DOP1B: variants seen among roughly 807,000 people sequenced by gnomAD.
DOP1B encodes the protein DOP1 leucine zipper like protein B.
In DOP1B, 174 loss-of-function variants were observed where a neutral mutation model predicts 233.5. The ratio of observed to expected loss-of-function variants is 0.75; its 90% CI spans 0.66 to 0.85. The LOEUF is 0.85. DOP1B is among the 40% of genes least tolerant of loss of function. The pLI is 0.00. For missense variants in DOP1B, 2,652 were observed against 2,846.6 expected (o/e 0.93, Z 1.56); for synonymous variants, 1,190 against 1,185.6 (o/e 1.00, Z -0.08).
At chr21:36,204,307 C>G (rs1026966586) in intron 4 of DOP1B, among the ~76,000 whole-genome samples, 2 of 152,126 alleles carry the variant, frequency 1.3e-5, no homozygotes, top group African/African-American at 2.4e-5. Context: ...ATTGACATTT[C>G]TTTTCTTTTG....
chr21:36,237,176 G>GGGGCT, intron 15 of DOP1B, 86 bp from the exon 16 acceptor site: 1 of 1,554,516 alleles, frequency 6.4e-7, no homozygotes, highest in Non-Finnish European at 8.8e-7. Context: ...CCAGTATGTC[G>GGGGCT]GGGCTGGGAC....
At chr21:36,227,526 T>G (rs7280662) in intron 12 of DOP1B, among the ~76,000 whole-genome samples, 160 bp from the exon 13 acceptor site, 69,841 of 150,932 alleles carry the variant, frequency 0.46, 17,733 homozygotes, top group South Asian at 0.65. Context: ...CAGCCTGGGC[T>G]ACAGAGCAAG....
intron 23 of DOP1B, among the ~76,000 whole-genome samples, chr21:36,259,868 T>C (rs534112864): frequency 7.7e-4 from 117 of 152,302 alleles, no homozygotes; most frequent in Middle Eastern, 3.4e-3. Context: ...GTGGTTAGTT[T>C]AGTTAATTAA....
chr21:36,292,252 TTTTC>T lies in DOP1B; in HGVS notation c.6645+23_6645+26del, dbSNP rs1220497249. ...GTTTGGGGTAAGTGCTTTTCTTTTC[TTTTC>T]TTTTTTTTTTTTTTTGGTGAGACAG... On this transcript the variant is annotated intron_variant, in intron 36 of 36. Transcript: ENST00000691173. The T allele has an allele frequency of 1.6e-5, 24 of 1,527,770 alleles. No individual in the cohort carries two copies. The highest frequency in any genetic ancestry group is 3.1e-5 in the African/African-American group (2 of 63,574). The allele number at this position is 1,527,770 out of a possible 1,614,324, so 94.6% of individuals were successfully genotyped here. A position where few individuals can be genotyped will look rare whatever the true frequency, so the allele number is the denominator to read the frequency against.
intron 2 of DOP1B, among the ~76,000 whole-genome samples, chr21:36,174,142 A>G (rs866212850): frequency 1.3e-5 from 2 of 152,146 alleles, no homozygotes; most frequent in Non-Finnish European, 2.9e-5. Context: ...TTGGAGACCT[A>G]GTGAACTACT....
intron 21 of DOP1B, among the ~76,000 whole-genome samples, chr21:36,250,533 T>TC (rs2067020482): frequency 6.6e-6 from 1 of 152,112 alleles, no homozygotes; most frequent in African/African-American, 2.4e-5. Context: ...AGGATTTAAC[T>TC]ACGGTGGGCA....
At chr21:36,202,136 G>A (rs1426659394) in intron 4 of DOP1B, among the ~76,000 whole-genome samples, 4 of 152,128 alleles carry the variant, frequency 2.6e-5, no homozygotes, top group Admixed American at 6.6e-5. Context: ...GCAGCGAGCC[G>A]AGATTGCACC....
At chr21:36,274,821 G>T (rs2067331616) in intron 27 of DOP1B, among the ~76,000 whole-genome samples, 1 of 150,256 alleles carries the variant, frequency 6.7e-6, no homozygotes, top group African/African-American at 2.4e-5. Flanking sequence ...CAGAATTAAG[G>T]ACCAGAGAAT....
At chr21:36,235,752 G>A (rs903920961) in intron 15 of DOP1B, among the ~76,000 whole-genome samples, 6 of 148,770 alleles carry the variant, frequency 4.0e-5, no homozygotes, top group Non-Finnish European at 8.9e-5. Context: ...GAGGGAGTAG[G>A]TATGGATTTG....
At chr21:36,269,963 ATTC>A in intron 26 of DOP1B, 47 bp from the exon 27 acceptor site, 1 of 1,600,408 alleles carries the variant, frequency 6.2e-7, no homozygotes, top group Non-Finnish European at 8.6e-7. Flanking sequence ...GGCACTTAAC[ATTC>A]TTTTCCTTAA....
intron 8 of DOP1B, 122 bp from the exon 9 acceptor site, chr21:36,214,320 G>A: frequency 8.0e-7 from 1 of 1,256,406 alleles, no homozygotes; most frequent in Non-Finnish European, 1.1e-6. Context: ...CAGGGTATTT[G>A]TTGCATGCTG....
At chr21:36,285,391 G>A (rs939617738) in intron 32 of DOP1B, among the ~76,000 whole-genome samples, 4 of 151,676 alleles carry the variant, frequency 2.6e-5, no homozygotes, top group Non-Finnish European at 2.9e-5. Flanking sequence ...AATACGCTTC[G>A]TTTTGGATAG....
Position 36,263,760 on chromosome 21 carries a change from C to T in DOP1B, c.5433C>T (p.Asp1811=). The T allele has an allele frequency of 6.2e-7, 1 of 1,614,200 alleles. No homozygotes were observed. Among genetic ancestry groups the T allele is most frequent in the Non-Finnish European group, 8.5e-7 (1 of 1,180,040 alleles). Residue 1811 remains aspartate, a synonymous_variant, in exon 26 of 37, where the codon GAC becomes GAT. Transcript: ENST00000691173. ...GYFLLLSMLN[D]FVTRTPNLEN... Reference sequence around the variant, plus strand: ...TGTCTCCCAACAGCATGCTGAATGACTTTGTAACAAGAACTCCCAACCTGG... The same window carrying T: ...TGTCTCCCAACAGCATGCTGAATGATTTTGTAACAAGAACTCCCAACCTGG...
At position 36,204,893 on chromosome 21, in the gene DOP1B, G is replaced by A. The variant is rs530109934; in HGVS notation, c.492-3822G>A. Among the ~76,000 whole-genome samples, 16 of 152,216 alleles carry A rather than the reference G, an allele frequency of 1.1e-4. No individual in the cohort carries two copies. In the East Asian group the frequency reaches 3.1e-3, roughly 29 times the overall value. On this transcript the variant is annotated intron_variant, in intron 4 of 36. Coordinates refer to ENST00000691173, the MANE Select transcript of DOP1B (RefSeq NM_001320714.2). Reference sequence around the variant, plus strand: ...TGGTCTTGAACTCCTGGCCTCAAGTGATCCACCTGCCTCAGCCTCCCAAAG... The same window carrying A: ...TGGTCTTGAACTCCTGGCCTCAAGTAATCCACCTGCCTCAGCCTCCCAAAG...
At chr21:36,279,235 A>G (rs2067387856) in intron 30 of DOP1B, among the ~76,000 whole-genome samples, 1 of 149,990 alleles carries the variant, frequency 6.7e-6, no homozygotes, top group South Asian at 2.1e-4. Context: ...ACAAAGTGAA[A>G]CCCCATCTCT....
At chr21:36,288,674 G>A (rs989196502) in intron 33 of DOP1B, 82 bp from the exon 34 acceptor site, 76 of 1,063,818 alleles carry the variant, frequency 7.1e-5, no homozygotes, top group African/African-American at 8.1e-5. Flanking sequence ...TAAATTAATC[G>A]ATTTTTAAAA....
At chr21:36,266,182 A>C (rs1481756122) in intron 26 of DOP1B, among the ~76,000 whole-genome samples, 1 of 151,918 alleles carries the variant, frequency 6.6e-6, no homozygotes, top group African/African-American at 2.4e-5. Context: ...TTATTTATTT[A>C]TTTATTTTTT....
At chr21:36,251,403 A>ATCATT (rs1182858722) in intron 22 of DOP1B, 119 bp downstream of exon 22, 5 of 1,336,264 alleles carry the variant, frequency 3.7e-6, no homozygotes, top group African/African-American at 1.5e-5. Context: ...AGTTGATTTA[A>ATCATT]TCATTTTATC....
chr21:36,277,526 C>T (rs779031248), intron 28 of DOP1B, among the ~76,000 whole-genome samples: 14 of 152,126 alleles, frequency 9.2e-5, no homozygotes, highest in Admixed American at 5.2e-4. Flanking sequence ...CGTGATCCAC[C>T]CACCTTGGCC....
Sources: allele counts gnomAD v4.1 joint callset (sites outside exome capture counted in the v4.1 genomes callset), GRCh38; gene constraint gnomAD v4.1.1; transcripts MANE v1.5; gene names NCBI Gene and HGNC (gene_info 2026-07-23, HGNC 2026-07-21).